NBEAL1: variants seen among roughly 807,000 people sequenced by gnomAD.
NBEAL1 encodes the protein neurobeachin-like protein 1.
Under a neutral mutation model 351.3 loss-of-function variants are expected in NBEAL1, and 273 were observed. The ratio of observed to expected loss-of-function variants is 0.78; its 90% CI spans 0.70 to 0.86. The LOEUF (loss-of-function observed/expected upper bound fraction) is 0.86, where lower values mean the gene tolerates loss of function less well. Among genes scored for constraint, NBEAL1 ranks in the 40% least tolerant of loss-of-function variants. The probability of loss-of-function intolerance (pLI) is 0.00; values close to 1 mark genes in which losing one functional copy is unlikely to be tolerated. For missense variants in NBEAL1, 2,961 were observed against 3,201.3 expected (o/e 0.92, Z 1.81); for synonymous variants, 1,050 against 1,086.4 (o/e 0.97, Z 0.66).
Position 203,219,866 on chromosome 2 carries a change from G to GA in NBEAL1, c.*2520dup, listed in dbSNP as rs55722704. 0.88 allele frequency: 133,662 copies of GA among 151,708 alleles called. 59,775 individuals are homozygous for GA. Among genetic ancestry groups the GA allele is most frequent in the Non-Finnish European group, 0.95 (64,563 of 67,922 alleles). The allele number at this position is 151,708 out of a possible 1,614,324, so 9.4% of individuals were successfully genotyped here. A position where few individuals can be genotyped will look rare whatever the true frequency, so the allele number is the denominator to read the frequency against. On this transcript the variant is annotated 3_prime_UTR_variant, in exon 56 of 56. Transcript: ENST00000683969. ...GAGTGAGACTTTGTCTCAAAGAAAA[G>GA]AAAAAAAATATGGAATTTAGAGAAA...
At chr2:203,151,121 A>T (rs181940553) in intron 34 of NBEAL1, among the ~76,000 whole-genome samples, 3 of 152,300 alleles carry the variant, frequency 2.0e-5, no homozygotes, top group Non-Finnish European at 2.9e-5. Context: ...TGCTTGAGCC[A>T]GGAGTTCGAG....
intron 35 of NBEAL1, among the ~76,000 whole-genome samples, chr2:203,153,302 A>ATT (rs5837843): frequency 0.012 from 1,427 of 124,080 alleles, 44 homozygotes; most frequent in Admixed American, 0.016. Flanking sequence ...CATGCCCAGC[A>ATT]TTTTTTTTTT....
chr2:203,120,233 G>GTATA (rs761554264), intron 18 of NBEAL1, among the ~76,000 whole-genome samples: 1 of 152,050 alleles, frequency 6.6e-6, no homozygotes, highest in Non-Finnish European at 1.5e-5. Flanking sequence ...GCCCTGAGAG[G>GTATA]TATATGGTAT....
chr2:203,147,799 C>G (rs1462380390), intron 33 of NBEAL1, among the ~76,000 whole-genome samples: 4 of 151,840 alleles, frequency 2.6e-5, no homozygotes, highest in Non-Finnish European at 5.9e-5. Flanking sequence ...ATTTTTGTGG[C>G]TATCCAAGAA....
intron 28 of NBEAL1, 94 bp from the exon 29 acceptor site, chr2:203,136,505 A>G: frequency 1.1e-6 from 1 of 939,078 alleles, no homozygotes; most frequent in Non-Finnish European, 1.6e-6. Context: ...AAAATATGTT[A>G]AATGATTACA....
intron 42 of NBEAL1, among the ~76,000 whole-genome samples, chr2:203,177,325 A>G (rs1015430505): frequency 3.3e-5 from 5 of 151,338 alleles, no homozygotes; most frequent in African/African-American, 1.2e-4. Context: ...GCTTGAGCCC[A>G]GGAGTTCAAG....
intron 36 of NBEAL1, among the ~76,000 whole-genome samples, chr2:203,161,346 AT>A (rs2063952053): frequency 7.2e-6 from 1 of 139,764 alleles, no homozygotes; most frequent in Non-Finnish European, 1.5e-5. Flanking sequence ...AAAAAAAAAA[AT>A]AGGCCAGGCG....
At chr2:203,135,639 AC>A (rs2063183079) in intron 27 of NBEAL1, 37 bp from the exon 28 acceptor site, 2 of 1,308,790 alleles carry the variant, frequency 1.5e-6, no homozygotes, top group African/African-American at 1.5e-5. Flanking sequence ...AGTACTATGT[AC>A]TTTTTGAAGA....
chr2:203,209,024 G>A (rs1172132007), intron 52 of NBEAL1, 137 bp from the exon 53 acceptor site: 1 of 674,262 alleles, frequency 1.5e-6, no homozygotes, highest in Admixed American at 3.3e-5. Context: ...TTTTTCCTAA[G>A]GTGCATGTAT....
chr2:203,079,635 T>C (rs944143318), intron 8 of NBEAL1, among the ~76,000 whole-genome samples: 7 of 152,174 alleles, frequency 4.6e-5, no homozygotes, highest in Middle Eastern at 3.2e-3. Context: ...CAGTGTACTA[T>C]GTTCTTAATA....
At chr2:203,017,761 T>A (rs1201513385) in intron 2 of NBEAL1, among the ~76,000 whole-genome samples, 4 of 152,086 alleles carry the variant, frequency 2.6e-5, no homozygotes, top group African/African-American at 9.7e-5. Flanking sequence ...AAATTTAATA[T>A]TAAAGCTTAT....
chr2:203,070,339 TTCTC>T lies in NBEAL1; in HGVS notation c.598+1882_598+1885del, dbSNP rs1227694604. Among the ~76,000 whole-genome samples the T allele has an allele frequency of 2.0e-4, 30 of 150,596 alleles. 1 individual carries two copies. Among genetic ancestry groups the T allele is most frequent in the East Asian group, 5.8e-4 (3 of 5,144 alleles). ...TTGTGATTATATAATTAACTTGTATTTCTCTCTCTCTCTCTCTCTCTTTTTTTTT... is the reference window on the plus strand; with the variant it reads ...TTGTGATTATATAATTAACTTGTATTTCTCTCTCTCTCTCTCTTTTTTTTT... On this transcript the variant is annotated intron_variant, in intron 7 of 55. Coordinates refer to ENST00000683969, the MANE Select transcript of NBEAL1 (RefSeq NM_001378026.1).
rs1166915004 is a variant in NBEAL1 at position 203,172,054 on chromosome 2, A to G, written c.6198+31A>G. 3 of 1,311,552 alleles carry G rather than the reference A, an allele frequency of 2.3e-6. No homozygotes were observed. The African/African-American group carries it at 4.5e-5, about 20-fold the overall frequency. The allele number at this position is 1,311,552 out of a possible 1,614,324, so 81.2% of individuals were successfully genotyped here. A position where few individuals can be genotyped will look rare whatever the true frequency, so the allele number is the denominator to read the frequency against. On this transcript the variant is annotated intron_variant, in intron 40 of 55. Coordinates refer to ENST00000683969, the MANE Select transcript of NBEAL1 (RefSeq NM_001378026.1). ...TTTTGCATAAACCTTATAAATGTGG[A>G]ATTGCCCTACAGTTTTATAAATCAC...
chr2:203,108,007 C>A lies in NBEAL1; in HGVS notation c.1768C>A (p.Leu590Ile), dbSNP rs1372462056. 6.4e-7 allele frequency: 1 copy of A among 1,554,288 alleles called. No individual in the cohort carries two copies. The highest frequency in any genetic ancestry group is 8.7e-7 in the Non-Finnish European group (1 of 1,147,906). ...TRAILTMARK[L>I]SLESALQYFN... is the part of the protein sequence containing the mutation. Reference sequence around the variant, plus strand: ...AGCAATCCTGACAATGGCCCGAAAACTAAGTCTAGAGAGTGCCCTCCAGTA... The same window carrying A: ...AGCAATCCTGACAATGGCCCGAAAAATAAGTCTAGAGAGTGCCCTCCAGTA... The change falls in exon 14 of 56, where the codon CTA becomes ATA. Residue 590 changes from leucine (L) to isoleucine (I), a missense_variant. By Grantham distance (5) the Leu-to-Ile change is conservative (BLOSUM62 2). Coordinates refer to ENST00000683969, the MANE Select transcript of NBEAL1 (RefSeq NM_001378026.1).
intron 6 of NBEAL1, among the ~76,000 whole-genome samples, chr2:203,065,348 A>G (rs1484014652): frequency 6.6e-6 from 1 of 152,204 alleles, no homozygotes; most frequent in Non-Finnish European, 1.5e-5. Flanking sequence ...TTATTGTTGC[A>G]TCTTTTGCCA....
At chr2:203,095,946 G>T (rs1359445403) in intron 10 of NBEAL1, among the ~76,000 whole-genome samples, 2 of 151,506 alleles carry the variant, frequency 1.3e-5, no homozygotes, top group Non-Finnish European at 2.9e-5. Context: ...TAGAGACAGG[G>T]TTTCACCATG....
intron 10 of NBEAL1, among the ~76,000 whole-genome samples, chr2:203,087,137 A>G (rs1191732555): frequency 1.7e-5 from 2 of 119,980 alleles, no homozygotes; most frequent in Non-Finnish European, 3.2e-5. Flanking sequence ...TCTGTCGCCC[A>G]GGCTAGAGTG....
At chr2:203,075,001 G>A (rs2061746648) in intron 7 of NBEAL1, 1 of 152,466 alleles carries the variant, frequency 6.6e-6, no homozygotes, top group South Asian at 2.1e-4. Flanking sequence ...TAGTGTCTTG[G>A]GCCACCAGAA....
chr2:203,073,185 T>A (rs72934518), intron 7 of NBEAL1, among the ~76,000 whole-genome samples: 14,046 of 152,172 alleles, frequency 0.092, 763 homozygotes, highest in Non-Finnish European at 0.12. Context: ...ACTATAGGCA[T>A]GTGTGTTATG....
Sources: allele counts gnomAD v4.1 joint callset (sites outside exome capture counted in the v4.1 genomes callset), GRCh38; gene constraint gnomAD v4.1.1; transcripts MANE v1.5; gene names NCBI Gene and HGNC (gene_info 2026-07-23, HGNC 2026-07-21).